ENTREP2: variants seen among roughly 807,000 people sequenced by gnomAD.
ENTREP2 encodes endosomal transmembrane epsin interactor 2, also known as protein ENTREP2.
chr15:29,292,872 C>T, the ENTREP2 span, among the ~76,000 whole-genome samples: 2 of 152,152 alleles, frequency 1.3e-5, no homozygotes, highest in Non-Finnish European at 2.9e-5. Context: ...TGTTAACATA[C>T]GTGGTCATAA....
At chr15:29,370,129 G>A in the ENTREP2 span, among the ~76,000 whole-genome samples, 1 of 152,086 alleles carries the variant, frequency 6.6e-6, no homozygotes, top group Non-Finnish European at 1.5e-5. Flanking sequence ...AGCATACTGG[G>A]AGACATAATA....
At chr15:29,641,796 C>A in the ENTREP2 span, among the ~76,000 whole-genome samples, 1 of 146,026 alleles carries the variant, frequency 6.8e-6, no homozygotes, top group Non-Finnish European at 1.5e-5. Context: ...TGCGCCACTG[C>A]ACTCCACCCT....
At chr15:29,375,684 AATT>A in the ENTREP2 span, 49 of 152,164 alleles carry the variant, frequency 3.2e-4, no homozygotes, top group African/African-American at 1.1e-3. Context: ...TTACAGTTGG[AATT>A]TCTGTGCTGC....
the ENTREP2 span, among the ~76,000 whole-genome samples, chr15:29,594,243 G>A: frequency 6.6e-6 from 1 of 152,082 alleles, no homozygotes; most frequent in Non-Finnish European, 1.5e-5. Context: ...ATCACTCTTG[G>A]GACAAGCCAG....
chr15:29,316,381 C>T, the ENTREP2 span, among the ~76,000 whole-genome samples: 2 of 152,006 alleles, frequency 1.3e-5, no homozygotes, highest in African/African-American at 4.8e-5. Context: ...GACCTAACAA[C>T]CCAATGCAAA....
chr15:29,442,583 C>A, the ENTREP2 span, among the ~76,000 whole-genome samples: 1 of 152,136 alleles, frequency 6.6e-6, no homozygotes, highest in Admixed American at 6.5e-5. Flanking sequence ...TCCAGGGAAG[C>A]CCCCATCAGG....
chr15:29,319,194 A>G, the ENTREP2 span, among the ~76,000 whole-genome samples: 2 of 152,334 alleles, frequency 1.3e-5, no homozygotes, highest in East Asian at 3.9e-4. Flanking sequence ...TTCTTACTTC[A>G]CTTCAGATGA....
the ENTREP2 span, among the ~76,000 whole-genome samples, chr15:29,175,111 G>C: frequency 4.6e-5 from 7 of 152,184 alleles, no homozygotes; most frequent in Non-Finnish European, 1.0e-4. Context: ...GCAGCCTGGT[G>C]TATGTATCAC....
At chr15:29,201,580 G>T in the ENTREP2 span, among the ~76,000 whole-genome samples, 1 of 152,174 alleles carries the variant, frequency 6.6e-6, no homozygotes, top group African/African-American at 2.4e-5. Flanking sequence ...TAAATTGACT[G>T]ATTTTTGAAT....
At chr15:29,188,052 C>T in the ENTREP2 span, among the ~76,000 whole-genome samples, 16 of 152,110 alleles carry the variant, frequency 1.1e-4, no homozygotes, top group African/African-American at 2.9e-4. Flanking sequence ...GGGGCGGTAT[C>T]GCACAGTGGA....
At chr15:29,131,488 C>T in the ENTREP2 span, among the ~76,000 whole-genome samples, 3,260 of 150,072 alleles carry the variant, frequency 0.022, 114 homozygotes, top group African/African-American at 0.077. Context: ...AAAATATCTG[C>T]CCAAATGATT....
chr15:29,658,011 G>C, the ENTREP2 span, among the ~76,000 whole-genome samples: 1 of 152,134 alleles, frequency 6.6e-6, no homozygotes, highest in Non-Finnish European at 1.5e-5. Flanking sequence ...ATATGATATG[G>C]TAGAATGGGA....
chr15:29,159,301 T>C, the ENTREP2 span, among the ~76,000 whole-genome samples: 1 of 152,148 alleles, frequency 6.6e-6, no homozygotes, highest in Non-Finnish European at 1.5e-5. Flanking sequence ...AGGTTCGTGG[T>C]CTCGCTGGCT....
chr15:29,296,453 CA>C, the ENTREP2 span, among the ~76,000 whole-genome samples: 1 of 152,010 alleles, frequency 6.6e-6, no homozygotes, highest in Admixed American at 6.6e-5. Flanking sequence ...ATCCTCAGAA[CA>C]AATATTGGAA....
the ENTREP2 span, among the ~76,000 whole-genome samples, chr15:29,344,253 T>A: frequency 2.6e-5 from 4 of 152,316 alleles, no homozygotes; most frequent in African/African-American, 9.6e-5. Flanking sequence ...GTGCAAGGAT[T>A]CAGAGATGTC....
At chr15:29,621,603 A>C in the ENTREP2 span, among the ~76,000 whole-genome samples, 440 of 151,088 alleles carry the variant, frequency 2.9e-3, 3 homozygotes, top group Non-Finnish European at 5.5e-3. Context: ...AAAAAAAAAA[A>C]AAAAACCCAG....
At chr15:29,481,518 T>G in the ENTREP2 span, among the ~76,000 whole-genome samples, 1 of 152,330 alleles carries the variant, frequency 6.6e-6, no homozygotes, top group Non-Finnish European at 1.5e-5. Context: ...AGACGTACCC[T>G]CCACATCTGA....
the ENTREP2 span, chr15:29,269,550 G>T: frequency 6.6e-7 from 1 of 1,512,992 alleles, no homozygotes; most frequent in South Asian, 1.2e-5. Flanking sequence ...CGCCCGGCCC[G>T]CGGGACGTGC....
chr15:29,398,440 A>G, the ENTREP2 span, among the ~76,000 whole-genome samples: 2 of 152,038 alleles, frequency 1.3e-5, no homozygotes, highest in African/African-American at 4.8e-5. Flanking sequence ...AAGAACTCTT[A>G]GGGCTGGGGG....
Sources: allele counts gnomAD v4.1 joint callset (sites outside exome capture counted in the v4.1 genomes callset), GRCh38; gene constraint gnomAD v4.1.1; transcripts MANE v1.5; gene names NCBI Gene and HGNC (gene_info 2026-07-23, HGNC 2026-07-21).